SEMA3A: variants seen among roughly 807,000 people sequenced by gnomAD.
SEMA3A encodes semaphorin 3A.
SEMA3A carries 29 observed loss-of-function variants against 97.9 expected under a neutral mutation model. The ratio of observed to expected loss-of-function variants is 0.30; its 90% CI spans 0.22 to 0.40. SEMA3A has a LOEUF of 0.40. SEMA3A is among the 10% of genes least tolerant of loss of function. SEMA3A has a pLI of 1.00. For missense variants in SEMA3A, 763 were observed against 951.3 expected (o/e 0.80, Z 2.60); for synonymous variants, 321 against 323.7 (o/e 0.99, Z 0.09).
chr7:84,008,326 C>A (rs1176923572), intron 9 of SEMA3A, among the ~76,000 whole-genome samples: 6 of 151,760 alleles, frequency 4.0e-5, no homozygotes, highest in Admixed American at 3.9e-4. Context: ...CCCGTCTCTA[C>A]TAAAAATACA....
At chr7:84,163,010 A>G (rs1324908515) in intron 1 of SEMA3A, among the ~76,000 whole-genome samples, 1 of 152,170 alleles carries the variant, frequency 6.6e-6, no homozygotes. Context: ...ACAAGTGATT[A>G]ATCAGTGTAA....
intron 5 of SEMA3A, among the ~76,000 whole-genome samples, chr7:84,049,717 T>G (rs1320044687): frequency 6.6e-6 from 1 of 152,064 alleles, no homozygotes; most frequent in Non-Finnish European, 1.5e-5. Flanking sequence ...TTTCATTTTT[T>G]AAAATTATTA....
At chr7:84,076,480 C>G (rs759661916) in intron 4 of SEMA3A, among the ~76,000 whole-genome samples, 6 of 152,110 alleles carry the variant, frequency 3.9e-5, no homozygotes, top group Non-Finnish European at 4.4e-5. Flanking sequence ...ATTTACTCAA[C>G]TATGCTACTT....
chr7:84,360,588 A>C (rs1802692587), intron 2 of SEMA3A, among the ~76,000 whole-genome samples: 1 of 152,064 alleles, frequency 6.6e-6, no homozygotes, highest in African/African-American at 2.4e-5. Context: ...TAAGCAGATT[A>C]TAGTTTTAAA....
At chr7:84,096,086 G>A (rs915869042) in intron 4 of SEMA3A, among the ~76,000 whole-genome samples, 12 of 151,926 alleles carry the variant, frequency 7.9e-5, no homozygotes, top group East Asian at 5.8e-4. Flanking sequence ...AATACAAAAC[G>A]TTATAAACAT....
chr7:84,400,649 G>C (rs1562933333), intron 1 of SEMA3A, among the ~76,000 whole-genome samples: 1 of 152,090 alleles, frequency 6.6e-6, no homozygotes, highest in East Asian at 1.9e-4. Context: ...GCCTCAAAGG[G>C]GCAAATCTAA....
intron 1 of SEMA3A, among the ~76,000 whole-genome samples, chr7:84,140,692 A>C (rs1796269826): frequency 6.6e-6 from 1 of 152,314 alleles, no homozygotes; most frequent in Non-Finnish European, 1.5e-5. Flanking sequence ...TGGAAAGTTC[A>C]GTAAGGTCCA....
chr7:84,462,020 T>C (rs1411047825), intron 1 of SEMA3A, among the ~76,000 whole-genome samples: 1 of 152,114 alleles, frequency 6.6e-6, no homozygotes, highest in Non-Finnish European at 1.5e-5. Flanking sequence ...TATTGAACTA[T>C]CTCAAAGTCT....
chr7:83,981,621 T>A, intron 13 of SEMA3A, 143 bp from the exon 14 acceptor site: 1 of 685,962 alleles, frequency 1.5e-6, no homozygotes, highest in Non-Finnish European at 2.3e-6. Flanking sequence ...CTAATTTCTT[T>A]AAAGGCCTTC....
intron 2 of SEMA3A, among the ~76,000 whole-genome samples, chr7:84,307,495 A>T (rs1332472152): frequency 2.6e-5 from 4 of 152,178 alleles, no homozygotes; most frequent in African/African-American, 9.6e-5. Flanking sequence ...ATTCTGGCTT[A>T]TCCAAACAAA....
At chr7:83,997,347 C>T (rs1790263060) in intron 12 of SEMA3A, among the ~76,000 whole-genome samples, 1 of 152,120 alleles carries the variant, frequency 6.6e-6, no homozygotes, top group Non-Finnish European at 1.5e-5. Flanking sequence ...TGTAAAATTT[C>T]TCTGCTTATT....
intron 3 of SEMA3A, among the ~76,000 whole-genome samples, chr7:84,120,100 CA>C (rs35704820): frequency 0.53 from 77,193 of 144,632 alleles, 19,849 homozygotes; most frequent in East Asian, 0.66. Context: ...CTTACTTTAC[CA>C]AAAAAAAAAA....
At chr7:83,964,195 G>A (rs1167714037) in intron 15 of SEMA3A, among the ~76,000 whole-genome samples, 1 of 152,126 alleles carries the variant, frequency 6.6e-6, no homozygotes, top group African/African-American at 2.4e-5. Flanking sequence ...AACACAGGGA[G>A]TCTAGGTAAA....
rs532361353 is a variant in SEMA3A at position 84,369,710 on chromosome 7, A to T, written c.-169+2114T>A. Reference sequence around the variant, plus strand: ...GGTACTGTTTATAAAATGGTGAACAAAACAAAGACTCACAGGTATGCCATT... The same window carrying T: ...GGTACTGTTTATAAAATGGTGAACATAACAAAGACTCACAGGTATGCCATT... On this transcript the variant is annotated intron_variant, in intron 2 of 3. Transcript: ENST00000424555. Among the ~76,000 whole-genome samples, 413 of 150,726 alleles carry T rather than the reference A, an allele frequency of 2.7e-3. 3 individuals carry two copies. Among genetic ancestry groups the T allele is most frequent in the Middle Eastern group, 6.8e-3 (2 of 292 alleles).
At chr7:84,109,330 T>TA (rs1795211017) in intron 4 of SEMA3A, among the ~76,000 whole-genome samples, 1 of 152,132 alleles carries the variant, frequency 6.6e-6, no homozygotes, top group Non-Finnish European at 1.5e-5. Flanking sequence ...TATGGACTTA[T>TA]AAAAAAGAGA....
At chr7:84,191,240 A>C (rs1424336567) in intron 1 of SEMA3A, among the ~76,000 whole-genome samples, 2 of 150,864 alleles carry the variant, frequency 1.3e-5, no homozygotes, top group Admixed American at 6.6e-5. Flanking sequence ...AAAAAAAAAA[A>C]ACAACTTTAG....
rs1247038560 is a variant in SEMA3A, at chr7:84,424,425, T to G, written c.-245-52525A>C. On this transcript the variant is annotated intron_variant, in intron 1 of 3. Coordinates refer to the SEMA3A transcript ENST00000424555. ...AAATATAATATATAATATATTGTTA[T>G]AAATATAAATACATAATATATAATA... is the stretch of plus-strand genomic sequence containing the variant. Among the ~76,000 whole-genome samples the G allele has an allele frequency of 2.3e-5, 3 of 129,942 alleles. No homozygotes were observed. In the Admixed American group the frequency reaches 2.8e-4, roughly 12 times the overall value. 85.2% of individuals were successfully genotyped at this position (129,942 alleles called of 152,430 possible). A position where few individuals can be genotyped will look rare whatever the true frequency, so the allele number is the denominator to read the frequency against.
intron 4 of SEMA3A, among the ~76,000 whole-genome samples, chr7:84,063,435 C>T (rs374100075): frequency 6.6e-6 from 1 of 151,412 alleles, no homozygotes; most frequent in East Asian, 2.0e-4. Context: ...CTTTGACGAG[C>T]TGAGAGAAGA....
intron 5 of SEMA3A, among the ~76,000 whole-genome samples, chr7:84,059,002 C>T (rs1253044057): frequency 1.3e-5 from 2 of 151,936 alleles, no homozygotes; most frequent in African/African-American, 4.8e-5. Context: ...AGAAACATAC[C>T]ATGAAGTAAA....
Sources: gnomAD v4.1 joint callset for allele counts (sites outside exome capture counted in the v4.1 genomes callset) on GRCh38, gnomAD v4.1.1 for gene constraint, MANE v1.5 for transcripts, NCBI Gene and HGNC (gene_info 2026-07-23, HGNC 2026-07-21) for gene names.